Variants in PRKAR1A observed in about 807,000 individuals in gnomAD.
PRKAR1A encodes the protein cAMP-dependent protein kinase type I-alpha regulatory subunit.
In PRKAR1A, 3 loss-of-function variants were observed where a neutral mutation model predicts 52.0. The ratio of observed to expected loss-of-function variants is 0.06; its 90% CI spans 0.03 to 0.15. The LOEUF is 0.15. Ranked by LOEUF, PRKAR1A falls within the 10% of genes least tolerant of loss-of-function variation. The probability of loss-of-function intolerance (pLI) is 1.00; values close to 1 mark genes in which losing one functional copy is unlikely to be tolerated. For synonymous variants in PRKAR1A, 188 were observed against 168.4 expected, an observed-to-expected ratio of 1.12 and a Z score of -0.90; for missense variants, 240 against 477.4, an observed-to-expected ratio of 0.50 and a Z score of 4.63.
chr17:68,504,283 G>A, the PRKAR1A span, among the ~76,000 whole-genome samples: 1 of 150,772 alleles, frequency 6.6e-6, no homozygotes, highest in Non-Finnish European at 1.5e-5. Context: ...TGACCAACAT[G>A]ATGAAACCCC....
At chr17:68,484,964 GC>G in the PRKAR1A span, among the ~76,000 whole-genome samples, 3 of 152,160 alleles carry the variant, frequency 2.0e-5, no homozygotes, top group African/African-American at 7.2e-5. Context: ...TGCCACAATG[GC>G]AAAGAATTAA....
rs775514809 is a variant in PRKAR1A at position 68,522,762 on chromosome 17, G to A, written c.184G>A (p.Ala62Thr). The A allele has an allele frequency of 2.5e-6, 4 of 1,614,016 alleles. No homozygotes were observed. Among genetic ancestry groups the A allele is most frequent in the African/African-American group, 1.3e-5 (1 of 75,028 alleles). Residue 62 changes from alanine to threonine, a missense_variant, in exon 3 of 11, where the codon GCA (alanine) becomes ACA (threonine). This residue lies in a region of PRKAR1A where 107 missense variants were observed against 114.6 expected (regional missense o/e 0.93). Transcript: ENST00000589228. Reference sequence around the variant, plus strand: ...AACTCGTAATTTCTTTCAGGAGGAGGCAAAACAGATTCAGAATCTGCAGAA... The same window carrying A: ...AACTCGTAATTTCTTTCAGGAGGAGACAAAACAGATTCAGAATCTGCAGAA... ...EYFERLEKEE[A>T]KQIQNLQKAG...
the PRKAR1A span, among the ~76,000 whole-genome samples, chr17:68,415,605 G>C: frequency 2.0e-5 from 3 of 152,164 alleles, no homozygotes; most frequent in African/African-American, 7.2e-5. Flanking sequence ...CCTGTCTAGT[G>C]CTGTCAGTGG....
At chr17:68,453,528 G>A in the PRKAR1A span, among the ~76,000 whole-genome samples, 7 of 149,724 alleles carry the variant, frequency 4.7e-5, no homozygotes, top group African/African-American at 1.5e-4. Flanking sequence ...ACCCGGGCTG[G>A]AGTGCAGTGG....
At chr17:68,438,726 A>G in the PRKAR1A span, among the ~76,000 whole-genome samples, 152,340 of 152,340 alleles carry the variant, frequency 1, 76,170 homozygotes, top group Non-Finnish European at 1. Flanking sequence ...TCAGCCTGCC[A>G]AGTAGCTGGG....
the PRKAR1A span, among the ~76,000 whole-genome samples, chr17:68,505,688 C>T: frequency 2.0e-5 from 3 of 152,032 alleles, no homozygotes; most frequent in Non-Finnish European, 4.4e-5. Context: ...TGGTGTATGC[C>T]GGTAGTCTCA....
the PRKAR1A span, among the ~76,000 whole-genome samples, chr17:68,429,606 T>G: frequency 6.6e-6 from 1 of 152,144 alleles, no homozygotes. Flanking sequence ...TTTTCTTTTT[T>G]GAGATGGAGT....
In PRKAR1A at chr17:68,532,083, TA is replaced by T. The variant is rs1387663232; in HGVS notation, c.*1635del. 3 of 1,065,416 alleles carry T rather than the reference TA, an allele frequency of 2.8e-6. No homozygotes were observed. In the East Asian group the frequency reaches 1.5e-4, roughly 53 times the overall value. 66.0% of individuals were successfully genotyped at this position (1,065,416 alleles called of 1,614,324 possible). A position where few individuals can be genotyped will look rare whatever the true frequency, so the allele number is the denominator to read the frequency against. ...AAGTATAAATCTGGGGAAGAGGTTT[TA>T]TTTACATTTTAGGGTGGGTAAGAAA... is the stretch of plus-strand genomic sequence containing the variant. On this transcript the variant is annotated 3_prime_UTR_variant, in exon 11 of 11. Transcript: ENST00000589228.
chr17:68,541,856 A>AT, intron 11 of PRKAR1A: 1 of 1,130,996 alleles, frequency 8.8e-7, no homozygotes, highest in Non-Finnish European at 1.3e-6. Flanking sequence ...CCCAGGATCA[A>AT]TATGAAATGG....
chr17:68,543,196 T>C (rs1482262206), intron 11 of PRKAR1A, among the ~76,000 whole-genome samples: 2 of 152,066 alleles, frequency 1.3e-5, no homozygotes, highest in South Asian at 2.1e-4. Flanking sequence ...CTAAAAAGCT[T>C]CTTGGAAGTG....
intron 8 of PRKAR1A, among the ~76,000 whole-genome samples, chr17:68,528,385 G>T (rs897190636): frequency 2.4e-4 from 37 of 152,102 alleles, no homozygotes; most frequent in Admixed American, 1.3e-4. Flanking sequence ...CTTTGAATTG[G>T]TTACATATGC....
chr17:68,436,305 G>T, the PRKAR1A span: 1 of 1,350,240 alleles, frequency 7.4e-7, no homozygotes, highest in Non-Finnish European at 1.1e-6. Flanking sequence ...CGACGGCAGG[G>T]CGTCCTTATC....
At chr17:68,472,944 C>CA in the PRKAR1A span, among the ~76,000 whole-genome samples, 340 of 144,142 alleles carry the variant, frequency 2.4e-3, 1 homozygote, top group African/African-American at 7.3e-3. Context: ...TACTCTGTCT[C>CA]AAAAAAAAAA....
chr17:68,423,951 T>C, the PRKAR1A span, among the ~76,000 whole-genome samples: 2 of 152,158 alleles, frequency 1.3e-5, no homozygotes. The surrounding 1 kb of genome is among the most constrained non-coding windows in gnomAD (Gnocchi z 4.4). Flanking sequence ...ACCTAGTGAG[T>C]GTCTGGATGT....
the PRKAR1A span, chr17:68,420,925 TTC>T: frequency 1.6e-3 from 260 of 162,158 alleles, 2 homozygotes; most frequent in African/African-American, 5.8e-3. Context: ...AGGGCAGAGC[TTC>T]TCTCTCTTTT....
At chr17:68,434,209 A>T in the PRKAR1A span, among the ~76,000 whole-genome samples, 2 of 152,164 alleles carry the variant, frequency 1.3e-5, no homozygotes, top group Non-Finnish European at 2.9e-5. Flanking sequence ...ATCCGATAAG[A>T]TCCCAAACAG....
At chr17:68,434,972 C>G in the PRKAR1A span, among the ~76,000 whole-genome samples, 1 of 152,028 alleles carries the variant, frequency 6.6e-6, no homozygotes, top group African/African-American at 2.4e-5. Flanking sequence ...GAGGCCAAGG[C>G]GGGTGGATTG....
Position 68,523,567 on chromosome 17 carries a change from A to T in PRKAR1A, c.349-158A>T, listed in dbSNP as rs1331641513. ...TTAGTCAATACTTGTTGAGTAGTTT[A>T]TGGATCAAAGATAGTACAAGTGTGT... On this transcript the variant is annotated intron_variant, in intron 3 of 10. Coordinates refer to ENST00000589228, the MANE Select transcript of PRKAR1A (RefSeq NM_002734.5). 1.2e-5 allele frequency: 8 copies of T among 660,200 alleles called. No homozygotes were observed. The East Asian group carries it at 2.2e-4, about 18-fold the overall frequency. 40.9% of individuals were successfully genotyped at this position (660,200 alleles called of 1,614,324 possible).
the PRKAR1A span, among the ~76,000 whole-genome samples, chr17:68,478,704 GT>G: frequency 6.7e-6 from 1 of 149,130 alleles, no homozygotes; most frequent in Non-Finnish European, 1.5e-5. Context: ...AAACCCTATG[GT>G]TTTAGTATGT....
Sources: gnomAD v4.1 joint callset for allele counts (sites outside exome capture counted in the v4.1 genomes callset) on GRCh38, gnomAD v4.1.1 for gene constraint, gnomAD v4.1.1 regional missense constraint, Gnocchi (gnomAD v3.1) non-coding constraint, MANE v1.5 for transcripts, NCBI Gene and HGNC (gene_info 2026-07-23, HGNC 2026-07-21) for gene names.